The following EOGT variants were observed in gnomAD, a reference collection of about 807,000 sequenced individuals.
The protein encoded by EOGT is EGF domain specific O-linked N-acetylglucosamine transferase, also known as EGF domain-specific O-linked N-acetylglucosamine transferase.
Under a neutral mutation model 70.5 loss-of-function variants are expected in EOGT, and 55 were observed. The ratio of observed to expected loss-of-function variants is 0.78; its 90% confidence interval spans 0.63 to 0.98. The LOEUF (loss-of-function observed/expected upper bound fraction) is 0.98. EOGT is among the 50% of genes least tolerant of loss of function. EOGT has a pLI of 0.00. For missense variants in EOGT, 703 were observed against 641.9 expected, an observed-to-expected ratio of 1.10 and a Z score of -1.03; for synonymous variants, 246 against 217.1, an observed-to-expected ratio of 1.13 and a Z score of -1.17.
intron 3 of EOGT, among the ~76,000 whole-genome samples, chr3:69,011,034 T>G (rs959682352): frequency 6.6e-6 from 1 of 152,068 alleles, no homozygotes; most frequent in African/African-American, 2.4e-5. Flanking sequence ...CCTTAAGCTC[T>G]CCCATCATGC....
intron 9 of EOGT, 114 bp from the exon 10 acceptor site, chr3:68,998,228 G>C: frequency 1.6e-6 from 1 of 636,432 alleles, no homozygotes; most frequent in Middle Eastern, 3.7e-4. Flanking sequence ...AAATAAATGG[G>C]GAAAAAAATA....
rs1467464190 is a variant in EOGT at position 69,011,931 on chromosome 3, T to C, written c.-15+5A>G. 1 of 152,174 alleles carries C rather than the reference T, an allele frequency of 6.6e-6. No individual in the cohort carries two copies. Among genetic ancestry groups the C allele is most frequent in the Non-Finnish European group, 1.5e-5 (1 of 68,034 alleles). 9.4% of individuals were successfully genotyped at this position (152,174 alleles called of 1,614,324 possible). ...AATGACTCTACTTGTAATAAAAATA[T>C]ATACCTCTTGAATCTTCAGAACCAC... On this transcript the variant is annotated splice_donor_5th_base_variant and intron_variant, in intron 3 of 17. Transcript: ENST00000383701.
intron 10 of EOGT, among the ~76,000 whole-genome samples, chr3:68,996,059 G>A (rs937367580): frequency 6.6e-6 from 1 of 152,106 alleles, no homozygotes; most frequent in African/African-American, 2.4e-5. Flanking sequence ...TGGTGAGTGT[G>A]GCCTGACTTC....
intron 10 of EOGT, among the ~76,000 whole-genome samples, chr3:68,991,690 C>G (rs2090999323): frequency 6.6e-6 from 1 of 152,100 alleles, no homozygotes; most frequent in East Asian, 1.9e-4. Flanking sequence ...GGCTGTAATC[C>G]CAGTGCTTTG....
rs2090501242 is a variant in EOGT, at chr3:68,977,412, T to G, written c.*206A>C. 2.0e-6 allele frequency: 1 copy of G among 506,594 alleles called. No individual in the cohort carries two copies. Among genetic ancestry groups the G allele is most frequent in the Admixed American group, 4.2e-5 (1 of 23,800 alleles). The allele number at this position is 506,594 out of a possible 1,614,324, so 31.4% of individuals were successfully genotyped here. ...ACTATAAAAAGTTTTCAGTGCAAAA[T>G]TATTGCTATTGATAAATAGCAATGA... On this transcript the variant is annotated 3_prime_UTR_variant, in exon 18 of 18. Transcript: ENST00000383701.
chr3:69,001,821 T>C, intron 8 of EOGT, 107 bp from the exon 9 acceptor site: 1 of 722,098 alleles, frequency 1.4e-6, no homozygotes, highest in Non-Finnish European at 2.4e-6. Flanking sequence ...CTCTAAATGG[T>C]ACAGACACTC....
At chr3:69,008,943 A>G (rs140381539) in intron 4 of EOGT, among the ~76,000 whole-genome samples, 23 of 152,356 alleles carry the variant, frequency 1.5e-4, no homozygotes, top group African/African-American at 4.3e-4. Context: ...TCACTTAGCA[A>G]TCAAGATCAG....
intron 14 of EOGT, among the ~76,000 whole-genome samples, chr3:68,985,557 C>T (rs186882124): frequency 3.9e-4 from 59 of 152,318 alleles, no homozygotes; most frequent in African/African-American, 1.4e-3. Context: ...TGATACCTTT[C>T]CTGGCCTTCT....
intron 16 of EOGT, among the ~76,000 whole-genome samples, chr3:68,979,414 C>T (rs2090567506): frequency 6.6e-6 from 1 of 152,146 alleles, no homozygotes; most frequent in Non-Finnish European, 1.5e-5. Flanking sequence ...AATAAGGAAA[C>T]CACAGATTCA....
intron 16 of EOGT, among the ~76,000 whole-genome samples, chr3:68,978,888 CTCTCTA>C (rs1211581206): frequency 6.6e-6 from 1 of 152,174 alleles, no homozygotes; most frequent in African/African-American, 2.4e-5. Context: ...CCTTCCTTCT[CTCTCTA>C]TAAGAGAAAT....
intron 8 of EOGT, among the ~76,000 whole-genome samples, chr3:69,002,386 G>C (rs1320724072): frequency 3.3e-5 from 5 of 152,132 alleles, no homozygotes; most frequent in African/African-American, 1.2e-4. Context: ...GTACACTTTG[G>C]AATAGCCTGT....
intron 16 of EOGT, among the ~76,000 whole-genome samples, chr3:68,978,805 C>T (rs2090549157): frequency 6.6e-6 from 1 of 152,126 alleles, no homozygotes; most frequent in African/African-American, 2.4e-5. Flanking sequence ...AAAAGTAGAA[C>T]CCAGGTCCAT....
intron 10 of EOGT, among the ~76,000 whole-genome samples, chr3:68,994,520 G>A (rs568487222): frequency 1.8e-4 from 27 of 152,112 alleles, no homozygotes; most frequent in Non-Finnish European, 3.4e-4. Context: ...GGCTGGACAC[G>A]GTGGCTCACA....
chr3:68,999,965 TA>T (rs2091253737), intron 9 of EOGT, among the ~76,000 whole-genome samples: 1 of 152,214 alleles, frequency 6.6e-6, no homozygotes, highest in African/African-American at 2.4e-5. Context: ...CTCACACCTG[TA>T]ATCCCAGAAC....
intron 9 of EOGT, among the ~76,000 whole-genome samples, chr3:68,999,115 T>C (rs1334016042): frequency 6.6e-6 from 1 of 152,216 alleles, no homozygotes. Context: ...TAGATGAGTT[T>C]ATAAAGTCCC....
rs771650477 is a variant in EOGT, at chr3:68,997,965, T to A, written c.831+46A>T. 41 of 1,120,384 alleles carry A rather than the reference T, an allele frequency of 3.7e-5. No homozygotes were observed. The East Asian group carries it at 9.8e-4, about 27-fold the overall frequency. 69.4% of individuals were successfully genotyped at this position (1,120,384 alleles called of 1,614,324 possible). ...TCACAACATCAGAGTCACACACTGA[T>A]ACAAGGGAAAGACAGTACTGAAGCG... On this transcript the variant is annotated intron_variant, in intron 10 of 17. Coordinates refer to ENST00000383701, the MANE Select transcript of EOGT (RefSeq NM_001278689.2).
At chr3:69,004,177 G>A (rs930956648) in intron 8 of EOGT, among the ~76,000 whole-genome samples, 1 of 152,154 alleles carries the variant, frequency 6.6e-6, no homozygotes, top group Non-Finnish European at 1.5e-5. Flanking sequence ...CAAACAGTAA[G>A]TACTGTATCT....
At chr3:69,007,868 T>C (rs766873605) in intron 5 of EOGT, 47 bp from the exon 6 acceptor site, 2 of 1,382,534 alleles carry the variant, frequency 1.4e-6, no homozygotes, top group African/African-American at 2.9e-5. Context: ...TTTACTTTTT[T>C]GGACCTTGAA....
chr3:69,013,080 G>C (rs947626390), intron 1 of EOGT, among the ~76,000 whole-genome samples: 3 of 152,102 alleles, frequency 2.0e-5, no homozygotes, highest in Admixed American at 2.0e-4. Context: ...GAGCCCAGCT[G>C]TCCGCTTGAA....
Sources: gnomAD v4.1 joint callset for allele counts (sites outside exome capture counted in the v4.1 genomes callset) on GRCh38, gnomAD v4.1.1 for gene constraint, MANE v1.5 for transcripts, NCBI Gene and HGNC (gene_info 2026-07-23, HGNC 2026-07-21) for gene names.